Variants in CTDSPL observed in about 807,000 individuals in gnomAD.
CTDSPL encodes CTD small phosphatase like.
A neutral mutation model predicts 30.5 loss-of-function variants in CTDSPL; 8 were observed. The ratio of observed to expected loss-of-function variants is 0.26; its 90% CI spans 0.15 to 0.47. The LOEUF (loss-of-function observed/expected upper bound fraction) is 0.47, where lower values mean the gene tolerates loss of function less well. CTDSPL is among the 20% of genes least tolerant of loss of function. The pLI is 0.99. For synonymous variants in CTDSPL, 110 were observed against 137.9 expected (o/e 0.80, Z 1.42); for missense variants, 248 against 366.1 (o/e 0.68, Z 2.63).
At chr3:37,962,930 C>T (rs1349641761) in intron 3 of CTDSPL, among the ~76,000 whole-genome samples, 1 of 152,242 alleles carries the variant, frequency 6.6e-6, no homozygotes, top group Non-Finnish European at 1.5e-5. Context: ...GACCCACATT[C>T]TCTCTACTAT....
At position 37,975,917 on chromosome 3, in the gene CTDSPL, A is replaced by T; in HGVS notation, c.705+23A>T. On this transcript the variant is annotated intron_variant, in intron 7 of 7. Transcript: ENST00000273179. The surrounding 1 kb of genome is among the most constrained non-coding windows in gnomAD (Gnocchi z 4.9). ...GCAGTAAGTGGCCCCAAAGAAAGAA[A>T]ATGTCGTGCTCCATCTGAGCCCTCT... 1 of 1,608,070 alleles carries T rather than the reference A, an allele frequency of 6.2e-7. No individual in the cohort carries two copies. Among genetic ancestry groups the T allele is most frequent in the Non-Finnish European group, 8.5e-7 (1 of 1,175,378 alleles).
intron 3 of CTDSPL, among the ~76,000 whole-genome samples, chr3:37,960,372 C>T (rs1559644982): frequency 6.8e-6 from 1 of 147,712 alleles, no homozygotes; most frequent in Non-Finnish European, 1.5e-5. Context: ...CCCAGCTACT[C>T]AGGAGGCTGA....
intron 1 of CTDSPL, among the ~76,000 whole-genome samples, chr3:37,918,295 G>A (rs901442297): frequency 4.6e-5 from 7 of 152,014 alleles, no homozygotes; most frequent in Non-Finnish European, 1.0e-4. Flanking sequence ...ATTCTGCAAA[G>A]TCTAATTTGT....
intron 1 of CTDSPL, among the ~76,000 whole-genome samples, chr3:37,910,503 C>CA (rs1327710880): frequency 1.3e-5 from 2 of 151,430 alleles, no homozygotes; most frequent in Non-Finnish European, 2.9e-5. Flanking sequence ...AACAAAAAAA[C>CA]AAAAAACAAA....
Position 37,947,381 on chromosome 3 carries a change from A to T in CTDSPL, c.234+170A>T, listed in dbSNP as rs181593859. 4.2e-4 allele frequency among the ~76,000 whole-genome samples: 64 copies of T among 152,270 alleles called. No individual in the cohort carries two copies. In the East Asian group the frequency reaches 0.012, roughly 28 times the overall value. On this transcript the variant is annotated intron_variant, in intron 2 of 7. Coordinates refer to ENST00000273179, the MANE Select transcript of CTDSPL (RefSeq NM_001008392.2). ...TGAGACCAGCCTGGCCAATATAGTG[A>T]AACCCCATCTCTACTAAAAATACAA...
chr3:37,881,037 A>G (rs1290149323), intron 1 of CTDSPL, among the ~76,000 whole-genome samples: 3 of 151,412 alleles, frequency 2.0e-5, no homozygotes, highest in Non-Finnish European at 4.4e-5. Flanking sequence ...AAAAAAAAAA[A>G]GAAAGAAAGA....
At chr3:37,934,013 A>G (rs1698886244) in intron 1 of CTDSPL, among the ~76,000 whole-genome samples, 1 of 152,234 alleles carries the variant, frequency 6.6e-6, no homozygotes, top group Non-Finnish European at 1.5e-5. Flanking sequence ...ATATGTCCAT[A>G]TGATGGAATA....
rs372660910 is a variant in CTDSPL, at chr3:37,973,839, A to C, written c.520-1870A>C. On this transcript the variant is annotated intron_variant, in intron 6 of 7. Transcript: ENST00000273179. ...CCCTTGTGAAGCTTACATTCTTCAC[A>C]TTCATTCTCTAAGGCCTGGAGGCCT... 1.3e-3 allele frequency among the ~76,000 whole-genome samples: 204 copies of C among 152,380 alleles called. 6 individuals are homozygous for C. The South Asian group carries it at 0.04, about 30-fold the overall frequency.
intron 1 of CTDSPL, among the ~76,000 whole-genome samples, chr3:37,908,863 T>C (rs1311451218): frequency 6.6e-6 from 1 of 152,230 alleles, no homozygotes; most frequent in Admixed American, 6.5e-5. Context: ...AATAGTGAGG[T>C]TGAAAATTGT....
chr3:37,977,416 A>G (rs1699441097), intron 7 of CTDSPL, among the ~76,000 whole-genome samples: 1 of 151,848 alleles, frequency 6.6e-6, no homozygotes, highest in Admixed American at 6.6e-5. Flanking sequence ...CTTTTATGCC[A>G]TTTATTTGTT....
intron 1 of CTDSPL, among the ~76,000 whole-genome samples, chr3:37,903,717 C>T (rs1273115650): frequency 1.3e-5 from 2 of 152,250 alleles, no homozygotes; most frequent in Non-Finnish European, 2.9e-5. Flanking sequence ...GAGGTGACTT[C>T]ATAGTAACAG....
intron 1 of CTDSPL, among the ~76,000 whole-genome samples, chr3:37,890,424 GT>G (rs1698311703): frequency 6.6e-6 from 1 of 152,100 alleles, no homozygotes; most frequent in African/African-American, 2.4e-5. Context: ...GAAATTAATA[GT>G]TGAAGGATAA....
At chr3:37,944,265 C>G (rs1699011189) in intron 1 of CTDSPL, among the ~76,000 whole-genome samples, 1 of 150,292 alleles carries the variant, frequency 6.7e-6, no homozygotes, top group South Asian at 2.1e-4. Context: ...ATATTTCTTG[C>G]AAATCTTTTC....
chr3:37,922,432 A>G (rs928419535), intron 1 of CTDSPL, among the ~76,000 whole-genome samples: 6 of 152,142 alleles, frequency 3.9e-5, no homozygotes, highest in East Asian at 1.9e-4. Context: ...GAGGCCCCCA[A>G]TTGAGGGACA....
At chr3:37,882,642 G>A (rs1316376426) in intron 1 of CTDSPL, among the ~76,000 whole-genome samples, 1 of 151,784 alleles carries the variant, frequency 6.6e-6, no homozygotes, top group Non-Finnish European at 1.5e-5. Context: ...TAATAATCCT[G>A]GACTCTAGCT....
At chr3:37,945,391 A>G (rs1390161126) in intron 1 of CTDSPL, among the ~76,000 whole-genome samples, 1 of 133,528 alleles carries the variant, frequency 7.5e-6, no homozygotes. Context: ...AGGAACCGAC[A>G]CAATCCTGCT....
At chr3:37,906,179 G>T (rs1049438158) in intron 1 of CTDSPL, among the ~76,000 whole-genome samples, 3 of 152,156 alleles carry the variant, frequency 2.0e-5, no homozygotes, top group Non-Finnish European at 4.4e-5. Flanking sequence ...CCCCTATTGT[G>T]TGCTTTGCCC....
chr3:37,921,110 G>A (rs1205723173), intron 1 of CTDSPL, among the ~76,000 whole-genome samples: 2 of 152,206 alleles, frequency 1.3e-5, no homozygotes, highest in African/African-American at 4.8e-5. Flanking sequence ...CTCTGCCCAT[G>A]ACAGTTTTCC....
intron 1 of CTDSPL, among the ~76,000 whole-genome samples, chr3:37,940,102 G>A (rs1275158936): frequency 6.7e-6 from 1 of 149,720 alleles, no homozygotes; most frequent in Non-Finnish European, 1.5e-5. Flanking sequence ...AAAAAAAAAA[G>A]CTATTTCTAT....
Sources: gnomAD v4.1 joint callset for allele counts (sites outside exome capture counted in the v4.1 genomes callset) on GRCh38, gnomAD v4.1.1 for gene constraint, Gnocchi (gnomAD v3.1) non-coding constraint, MANE v1.5 for transcripts, NCBI Gene and HGNC (gene_info 2026-07-23, HGNC 2026-07-21) for gene names.